HEATR5B: variants seen among roughly 807,000 people sequenced by gnomAD.
HEATR5B encodes the protein HEAT repeat-containing protein 5B.
A neutral mutation model predicts 224.1 loss-of-function variants in HEATR5B; 156 were observed. That is an observed-to-expected ratio of 0.70 (90% CI 0.61 to 0.80). HEATR5B has a LOEUF of 0.80. Among genes scored for constraint, HEATR5B ranks in the 30% least tolerant of loss-of-function variants. The pLI, the probability that HEATR5B is intolerant of heterozygous loss-of-function variation, is 0.00. For synonymous variants in HEATR5B, 1,027 were observed against 893.0 expected (o/e 1.15, Z -2.68); for missense variants, 2,323 against 2,535.5 (o/e 0.92, Z 1.80).
chr2:37,051,016 A>C (rs954989266), intron 17 of HEATR5B, among the ~76,000 whole-genome samples: 13 of 152,144 alleles, frequency 8.5e-5, no homozygotes, highest in Non-Finnish European at 4.4e-5. Flanking sequence ...ACTGCACTCC[A>C]GCCTGGCGAC....
chr2:36,996,268 C>T (rs1666699668), intron 33 of HEATR5B, among the ~76,000 whole-genome samples: 1 of 151,290 alleles, frequency 6.6e-6, no homozygotes, highest in Non-Finnish European at 1.5e-5. Context: ...ACCATGTTGG[C>T]CAGGCTGGTC....
chr2:37,020,968 G>T, intron 24 of HEATR5B, 132 bp from the exon 25 acceptor site: 1 of 576,928 alleles, frequency 1.7e-6, no homozygotes, highest in Non-Finnish European at 3.0e-6. Flanking sequence ...AAATAGCAAA[G>T]ATATTATATT....
At chr2:37,069,689 T>C (rs924327727) in intron 7 of HEATR5B, among the ~76,000 whole-genome samples, 4 of 152,160 alleles carry the variant, frequency 2.6e-5, no homozygotes, top group Middle Eastern at 3.2e-3. Flanking sequence ...TTTAAAGATA[T>C]TTACACAAAT....
chr2:37,058,077 G>A (rs1282103649), intron 14 of HEATR5B, among the ~76,000 whole-genome samples: 1 of 152,152 alleles, frequency 6.6e-6, no homozygotes, highest in Non-Finnish European at 1.5e-5. Context: ...AAGCATTTCA[G>A]TGTATTAATC....
chr2:37,083,257 A>G, intron 2 of HEATR5B, 32 bp downstream of exon 2: 1 of 1,611,972 alleles, frequency 6.2e-7, no homozygotes, highest in Non-Finnish European at 8.5e-7. Context: ...TCTTCACGTT[A>G]ATGCAACTGG....
intron 18 of HEATR5B, among the ~76,000 whole-genome samples, chr2:37,042,145 T>C (rs1399231982): frequency 3.3e-5 from 5 of 152,194 alleles, no homozygotes; most frequent in Non-Finnish European, 7.3e-5. Context: ...TCACCAACTT[T>C]AGGTATACAA....
chr2:37,030,460 C>T (rs1159278803), intron 22 of HEATR5B, among the ~76,000 whole-genome samples: 1 of 152,084 alleles, frequency 6.6e-6, no homozygotes, highest in Admixed American at 6.6e-5. Context: ...TGATTAATCA[C>T]TGAGGACAAA....
chr2:37,075,717 G>A (rs1447245686), intron 4 of HEATR5B, 83 bp from the exon 5 acceptor site: 20 of 920,402 alleles, frequency 2.2e-5, no homozygotes, highest in South Asian at 8.7e-5. Context: ...AAGTTCTTTG[G>A]GTCTAATGGT....
chr2:37,013,514 A>G (rs913023634), intron 27 of HEATR5B, among the ~76,000 whole-genome samples: 1 of 152,230 alleles, frequency 6.6e-6, no homozygotes, highest in Non-Finnish European at 1.5e-5. Flanking sequence ...GCAAGACCCT[A>G]CCTTTAAAAA....
At chr2:36,984,290 T>C (rs958492619) in intron 35 of HEATR5B, among the ~76,000 whole-genome samples, 7 of 147,446 alleles carry the variant, frequency 4.7e-5, no homozygotes, top group African/African-American at 1.5e-4. Context: ...TCTAGAAATA[T>C]GCTAAGCATT....
chr2:37,017,687 CAAAA>C (rs1056240189), intron 26 of HEATR5B, among the ~76,000 whole-genome samples: 2 of 61,696 alleles, frequency 3.2e-5, no homozygotes, highest in Non-Finnish European at 2.9e-5. Flanking sequence ...AATTCCGTCT[CAAAA>C]AAAAAAAAAA....
intron 18 of HEATR5B, among the ~76,000 whole-genome samples, chr2:37,043,047 T>C (rs1428026904): frequency 6.6e-6 from 1 of 152,110 alleles, no homozygotes; most frequent in Non-Finnish European, 1.5e-5. Flanking sequence ...GCCAACAACA[T>C]ACATATCTCA....
intron 24 of HEATR5B, among the ~76,000 whole-genome samples, chr2:37,021,211 A>C (rs1212135301): frequency 2.0e-5 from 3 of 152,230 alleles, no homozygotes; most frequent in Non-Finnish European, 4.4e-5. Flanking sequence ...GGGACCCCAA[A>C]ACTCACTATG....
chr2:37,038,917 G>GC (rs369615835), intron 20 of HEATR5B, among the ~76,000 whole-genome samples: 4 of 141,866 alleles, frequency 2.8e-5, no homozygotes, highest in African/African-American at 5.3e-5. Context: ...TGGGGGGGGT[G>GC]GGGAATCACA....
chr2:36,982,247 C>G (rs1665630452), intron 35 of HEATR5B, among the ~76,000 whole-genome samples: 1 of 151,902 alleles, frequency 6.6e-6, no homozygotes, highest in Admixed American at 6.6e-5. Flanking sequence ...AACTTTTTTC[C>G]TATTTCATCA....
At chr2:37,084,247 A>C (rs1672830951) in intron 1 of HEATR5B, 22 bp downstream of exon 1, 1 of 384,506 alleles carries the variant, frequency 2.6e-6, no homozygotes, top group Non-Finnish European at 4.6e-6. Context: ...GCGTGTCAAC[A>C]TGCATGCTTC....
In HEATR5B at chr2:37,003,691, T is replaced by C. The variant is rs1667236444; in HGVS notation, c.4906-5A>G. On this transcript the variant is annotated splice_polypyrimidine_tract_variant and splice_region_variant and intron_variant, in intron 30 of 35. Transcript: ENST00000233099. ...CAGCAACTCAACACCTATCAGCTAA[T>C]ACAAATAAATACAAATACAGTTAAG... The C allele has an allele frequency of 2.6e-6, 4 of 1,566,918 alleles. No homozygotes were observed. Among genetic ancestry groups the C allele is most frequent in the African/African-American group, 1.4e-5 (1 of 72,976 alleles).
chr2:36,987,781 C>T (rs2148325742), intron 35 of HEATR5B, among the ~76,000 whole-genome samples: 1 of 151,760 alleles, frequency 6.6e-6, no homozygotes, highest in African/African-American at 2.4e-5. Flanking sequence ...ATTTTAAAAC[C>T]CTATGAAATG....
chr2:37,033,030 G>A (rs1669234729), intron 21 of HEATR5B, among the ~76,000 whole-genome samples: 1 of 151,882 alleles, frequency 6.6e-6, no homozygotes, highest in Non-Finnish European at 1.5e-5. Context: ...ACAGGTGCCT[G>A]CCACCACACC....
Sources: gnomAD v4.1 joint callset for allele counts (sites outside exome capture counted in the v4.1 genomes callset) on GRCh38, gnomAD v4.1.1 for gene constraint, MANE v1.5 for transcripts, NCBI Gene and HGNC (gene_info 2026-07-23, HGNC 2026-07-21) for gene names.